PRMT3: variants seen among roughly 807,000 people sequenced by gnomAD.
PRMT3 encodes protein arginine methyltransferase 3.
In PRMT3, 62 loss-of-function variants were observed where a neutral mutation model predicts 71.9. The ratio of observed to expected loss-of-function variants is 0.86; its 90% confidence interval spans 0.70 to 1.07. PRMT3 has a LOEUF of 1.07. PRMT3 is among the 50% of genes least tolerant of loss of function. The pLI, the probability that PRMT3 is intolerant of heterozygous loss-of-function variation, is 0.00. For synonymous variants in PRMT3, 213 were observed against 220.4 expected (o/e 0.97, Z 0.30); for missense variants, 663 against 643.0 (o/e 1.03, Z -0.34).
chr11:20,404,211 GTTTTTTTTTTTTTTTTTTTTTTTTT>G (rs71063629), intron 8 of PRMT3, among the ~76,000 whole-genome samples: 2 of 34,338 alleles, frequency 5.8e-5, no homozygotes, highest in Admixed American at 4.2e-4. Context: ...ACTTTTCATA[GTTTTTTTTTTTTTTTTTTTTTTTTT>G]TTTTTTTTTT....
chr11:20,390,837 T>G (rs532199798), intron 3 of PRMT3, among the ~76,000 whole-genome samples: 119 of 152,178 alleles, frequency 7.8e-4, no homozygotes, highest in African/African-American at 2.7e-3. Context: ...GATCACAAGG[T>G]CAGGAGATCG....
intron 15 of PRMT3, among the ~76,000 whole-genome samples, chr11:20,494,513 T>C (rs1300849990): frequency 6.6e-6 from 1 of 152,120 alleles, no homozygotes; most frequent in East Asian, 1.9e-4. Flanking sequence ...TTTGTATTTT[T>C]AGTAGAGATG....
intron 9 of PRMT3, among the ~76,000 whole-genome samples, chr11:20,419,084 A>C (rs1236382676): frequency 6.6e-6 from 1 of 152,182 alleles, no homozygotes; most frequent in Non-Finnish European, 1.5e-5. Flanking sequence ...ACATATCTTC[A>C]AATTTCCTAG....
intron 7 of PRMT3, among the ~76,000 whole-genome samples, chr11:20,402,423 A>G (rs2133312863): frequency 6.6e-6 from 1 of 151,680 alleles, no homozygotes; most frequent in East Asian, 1.9e-4. Context: ...CCAGCCTGTT[A>G]TTTTTATTTC....
chr11:20,487,068 AAAAG>A (rs1410699196), intron 13 of PRMT3, among the ~76,000 whole-genome samples: 13 of 151,992 alleles, frequency 8.6e-5, no homozygotes, highest in South Asian at 2.1e-4. Context: ...AGAAAAAAAA[AAAAG>A]AAGAAGAAGA....
intron 9 of PRMT3, among the ~76,000 whole-genome samples, chr11:20,417,397 T>C (rs1266707130): frequency 6.6e-6 from 1 of 152,216 alleles, no homozygotes. Flanking sequence ...ATCATCCATA[T>C]ATTCTAGGTG....
chr11:20,421,743 T>G (rs1403955890), intron 9 of PRMT3, among the ~76,000 whole-genome samples: 1 of 152,194 alleles, frequency 6.6e-6, no homozygotes, highest in Admixed American at 6.5e-5. Context: ...TCTTTGATTT[T>G]CCTTTTCCTT....
At chr11:20,475,676 C>T (rs1217328885) in intron 13 of PRMT3, among the ~76,000 whole-genome samples, 1 of 123,366 alleles carries the variant, frequency 8.1e-6, no homozygotes, top group Admixed American at 9.3e-5. Flanking sequence ...TTTTTTGAGA[C>T]AGAGTCTAGC....
intron 2 of PRMT3, 90 bp downstream of exon 2, chr11:20,388,244 G>A (rs1848641357): frequency 1.3e-6 from 2 of 1,560,502 alleles, no homozygotes; most frequent in Admixed American, 1.8e-5. Context: ...CGGGAGGCAA[G>A]CCAGAGTGGC....
intron 10 of PRMT3, among the ~76,000 whole-genome samples, chr11:20,440,384 G>A (rs1234692078): frequency 2.0e-5 from 3 of 150,680 alleles, no homozygotes; most frequent in East Asian, 2.0e-4. Context: ...GGTGGCTCAC[G>A]CCTGTAATCC....
intron 10 of PRMT3, among the ~76,000 whole-genome samples, chr11:20,439,438 G>T (rs1849835836): frequency 6.6e-6 from 1 of 152,144 alleles, no homozygotes; most frequent in Admixed American, 6.5e-5. Flanking sequence ...TTACTCCACT[G>T]ATGTCTCCAG....
intron 12 of PRMT3, 50 bp downstream of exon 12, chr11:20,462,217 T>C (rs760725917): frequency 7.2e-7 from 1 of 1,390,406 alleles, no homozygotes. Context: ...CTATTTTTCT[T>C]AGTTCAGCAT....
chr11:20,440,253 G>T (rs1849855473), intron 10 of PRMT3, among the ~76,000 whole-genome samples: 3 of 152,154 alleles, frequency 2.0e-5, no homozygotes, highest in Non-Finnish European at 4.4e-5. Flanking sequence ...CAGTTTGATT[G>T]GCTGAGGCAG....
intron 13 of PRMT3, among the ~76,000 whole-genome samples, chr11:20,472,909 C>T (rs1323382518): frequency 7.2e-5 from 11 of 152,014 alleles, no homozygotes; most frequent in Admixed American, 1.3e-4. Flanking sequence ...TATTTATCAC[C>T]GCCTCAATTT....
intron 15 of PRMT3, among the ~76,000 whole-genome samples, chr11:20,504,707 T>TGTGTGTGTGTGAGAGAGAGAGAGA (rs1332372470): frequency 7.5e-6 from 1 of 133,590 alleles, no homozygotes; most frequent in African/African-American, 3.0e-5. Context: ...TGTGTGTGTG[T>TGTGTGTGTGTGAGAGAGAGAGAGA]GAGAGAGAGA....
Position 20,423,608 on chromosome 11 carries a change from C to T in PRMT3, c.894-3158C>T, listed in dbSNP as rs576979331. ...ATATTCTACTATCTATGGCTTTCAT[C>T]GTTGCTATTTTAAGAAGTCACCTGT... On this transcript the variant is annotated intron_variant, in intron 9 of 15. Transcript: ENST00000331079. 3.9e-5 allele frequency among the ~76,000 whole-genome samples: 6 copies of T among 152,182 alleles called. No individual in the cohort carries two copies. The South Asian group carries it at 1.2e-3, about 32-fold the overall frequency.
rs1851282252 is a variant in PRMT3, at chr11:20,494,267, A to T, written c.1486+13A>T. ...TCAGTTAAAGCAGGTGAGAAAGAAT[A>T]GTAGGGGGGAAGTATCTTATTCATT... On this transcript the variant is annotated intron_variant, in intron 15 of 15. Transcript: ENST00000331079. 6 of 1,528,014 alleles carry T rather than the reference A, an allele frequency of 3.9e-6. No homozygotes were observed. The highest frequency in any genetic ancestry group is 4.5e-6 in the Non-Finnish European group (5 of 1,105,624). 94.7% of individuals were successfully genotyped at this position (1,528,014 alleles called of 1,614,324 possible). A position where few individuals can be genotyped will look rare whatever the true frequency, so the allele number is the denominator to read the frequency against.
chr11:20,396,472 A>G (rs1848828205), intron 6 of PRMT3, among the ~76,000 whole-genome samples: 1 of 152,100 alleles, frequency 6.6e-6, no homozygotes, highest in South Asian at 2.1e-4. Context: ...CCCTGTCTCT[A>G]CTAAAAATAC....
At chr11:20,410,500 T>C (rs202177510) in intron 9 of PRMT3, among the ~76,000 whole-genome samples, 1 of 151,756 alleles carries the variant, frequency 6.6e-6, no homozygotes, top group East Asian at 1.9e-4. Flanking sequence ...TCAAAATAAA[T>C]AGGTAGTTGT....
Sources: gnomAD v4.1 joint callset for allele counts (sites outside exome capture counted in the v4.1 genomes callset) on GRCh38, gnomAD v4.1.1 for gene constraint, MANE v1.5 for transcripts, NCBI Gene and HGNC (gene_info 2026-07-23, HGNC 2026-07-21) for gene names.